The following PDE8B variants were observed in gnomAD, a reference collection of about 807,000 sequenced individuals.
PDE8B encodes the protein high affinity cAMP-specific and IBMX-insensitive 3',5'-cyclic phosphodiesterase 8B.
PDE8B carries 26 observed loss-of-function variants against 101.3 expected under a neutral mutation model. The ratio of observed to expected loss-of-function variants is 0.26; its 90% CI spans 0.19 to 0.36. The LOEUF (loss-of-function observed/expected upper bound fraction) is 0.36. Ranked by LOEUF, PDE8B falls within the 10% of genes least tolerant of loss-of-function variation. PDE8B has a pLI of 1.00. For synonymous variants in PDE8B, 424 were observed against 429.3 expected, an observed-to-expected ratio of 0.99 and a Z score of 0.15; for missense variants, 810 against 1,163.1, an observed-to-expected ratio of 0.70 and a Z score of 4.42.
the PDE8B span, among the ~76,000 whole-genome samples, chr5:77,204,877 G>T: frequency 6.6e-6 from 1 of 152,214 alleles, no homozygotes; most frequent in African/African-American, 2.4e-5. Context: ...CTGTCTGCCT[G>T]ATTGCTCTGT....
intron 8 of PDE8B, 41 bp downstream of exon 8, chr5:77,349,600 C>A: frequency 6.2e-7 from 1 of 1,610,462 alleles, no homozygotes; most frequent in African/African-American, 1.3e-5. Context: ...ACCCTCTCCC[C>A]AATGCACTTT....
At chr5:77,216,015 T>G (rs961617552) in intron 1 of PDE8B, among the ~76,000 whole-genome samples, 20 of 152,160 alleles carry the variant, frequency 1.3e-4, no homozygotes, top group Non-Finnish European at 1.2e-4. Flanking sequence ...TGTAGGTAAC[T>G]TTGTGAACCC....
the PDE8B span, among the ~76,000 whole-genome samples, chr5:77,169,838 G>A: frequency 1.3e-3 from 203 of 152,270 alleles, 2 homozygotes; most frequent in East Asian, 0.014. Flanking sequence ...AAACTGTGCC[G>A]ACCCTGTGGA....
intron 1 of PDE8B, among the ~76,000 whole-genome samples, chr5:77,274,014 G>C (rs931188843): frequency 9.2e-5 from 14 of 151,988 alleles, no homozygotes; most frequent in African/African-American, 3.4e-4. Flanking sequence ...TAGAGACAAA[G>C]TTTCTCCATG....
the PDE8B span, among the ~76,000 whole-genome samples, chr5:77,138,303 T>C: frequency 6.6e-6 from 1 of 152,178 alleles, no homozygotes; most frequent in African/African-American, 2.4e-5. Flanking sequence ...CTGGCCCTGC[T>C]TTTAGGTCTT....
At position 77,412,170 on chromosome 5, in the gene PDE8B, A is replaced by G. The variant is rs1395910907; in HGVS notation, c.1647A>G (p.Gln549=). The G allele has an allele frequency of 6.2e-7, 1 of 1,613,596 alleles. No homozygotes were observed. The highest frequency in any genetic ancestry group is 1.7e-5 in the Admixed American group (1 of 60,016). ...ATGATGTTCCCCCTTGTATCTCTCA[A>G]TTACTTGATAATGAGGAGAGTTGGG... is the stretch of plus-strand genomic sequence containing the variant. The part of the protein sequence containing the change: ...TINDVPPCIS[Q]LLDNEESWDF... Residue 549 remains glutamine, a synonymous_variant, in exon 16 of 22, where the codon CAA becomes CAG. Transcript: ENST00000264917.
intron 1 of PDE8B, among the ~76,000 whole-genome samples, chr5:77,216,742 G>A (rs1297407158): frequency 1.3e-5 from 2 of 152,184 alleles, no homozygotes; most frequent in Non-Finnish European, 2.9e-5. Flanking sequence ...AAAGCAGTAA[G>A]TCCCTTCATG....
In PDE8B at chr5:77,409,328, T is replaced by G. The variant is rs62362506; in HGVS notation, c.1530+271T>G. Among the ~76,000 whole-genome samples the G allele has an allele frequency of 4.2e-3, 645 of 152,312 alleles. 1 individual carries two copies. Among genetic ancestry groups the G allele is most frequent in the Non-Finnish European group, 6.8e-3 (461 of 68,022 alleles). ...TGACTGCAGGGAGTCATTGGGCAAC[T>G]GATGGAGGGCTCAATGTGCAAGATG... On this transcript the variant is annotated intron_variant, in intron 14 of 21. Coordinates refer to ENST00000264917, the MANE Select transcript of PDE8B (RefSeq NM_003719.5).
chr5:77,406,774 A>G (rs1793545533), intron 12 of PDE8B, among the ~76,000 whole-genome samples: 1 of 152,240 alleles, frequency 6.6e-6, no homozygotes, highest in African/African-American at 2.4e-5. Context: ...AACCAAGTAT[A>G]AACATTAACT....
intron 10 of PDE8B, among the ~76,000 whole-genome samples, chr5:77,385,257 G>A (rs1253666017): frequency 6.6e-6 from 1 of 152,124 alleles, no homozygotes; most frequent in Non-Finnish European, 1.5e-5. Flanking sequence ...TGGTTTATTT[G>A]CGTAGAGGTA....
At chr5:77,284,005 G>T (rs1293612038) in intron 1 of PDE8B, among the ~76,000 whole-genome samples, 1 of 152,136 alleles carries the variant, frequency 6.6e-6, no homozygotes, top group Non-Finnish European at 1.5e-5. Context: ...TGGTGTCAGT[G>T]CTTGCAATTT....
chr5:77,344,602 A>T (rs1779823503), intron 6 of PDE8B, among the ~76,000 whole-genome samples: 1 of 152,198 alleles, frequency 6.6e-6, no homozygotes, highest in African/African-American at 2.4e-5. Context: ...TAATAAAGGC[A>T]TTAATCCCAT....
intron 19 of PDE8B, among the ~76,000 whole-genome samples, chr5:77,421,208 C>T (rs1796569254): frequency 6.6e-6 from 1 of 152,198 alleles, no homozygotes; most frequent in Non-Finnish European, 1.5e-5. Flanking sequence ...CCACGCCTAC[C>T]TGGCTCACTT....
At chr5:77,240,666 C>T (rs1178666438) in intron 1 of PDE8B, among the ~76,000 whole-genome samples, 1 of 152,134 alleles carries the variant, frequency 6.6e-6, no homozygotes, top group Non-Finnish European at 1.5e-5. Context: ...GTGTTATACC[C>T]ACACTAATTA....
At chr5:77,357,438 G>T (rs1782314112) in intron 10 of PDE8B, among the ~76,000 whole-genome samples, 1 of 152,188 alleles carries the variant, frequency 6.6e-6, no homozygotes, top group Non-Finnish European at 1.5e-5. Flanking sequence ...CTGCCCTTTT[G>T]TGGGAACAGA....
At chr5:77,184,024 G>A in the PDE8B span, among the ~76,000 whole-genome samples, 336 of 151,882 alleles carry the variant, frequency 2.2e-3, 7 homozygotes, top group East Asian at 0.06. Context: ...CTGGAGGGGA[G>A]TAGTGCATTA....
chr5:77,424,707 A>G (rs1161881677), intron 20 of PDE8B, among the ~76,000 whole-genome samples: 2 of 152,212 alleles, frequency 1.3e-5, no homozygotes, highest in African/African-American at 2.4e-5. Flanking sequence ...CATCACATTC[A>G]TCATCCAGAA....
chr5:77,262,925 G>A (rs944091969), intron 1 of PDE8B, among the ~76,000 whole-genome samples: 5 of 152,150 alleles, frequency 3.3e-5, no homozygotes, highest in African/African-American at 1.2e-4. Flanking sequence ...CACTTCACTT[G>A]ACCTGTGACA....
At chr5:77,306,138 A>T (rs185128016) in intron 1 of PDE8B, among the ~76,000 whole-genome samples, 3 of 152,302 alleles carry the variant, frequency 2.0e-5, no homozygotes, top group Admixed American at 2.0e-4. Flanking sequence ...ATCGCCAGGC[A>T]CTGCATCATC....
Sources: allele counts gnomAD v4.1 joint callset (sites outside exome capture counted in the v4.1 genomes callset), GRCh38; gene constraint gnomAD v4.1.1; transcripts MANE v1.5; gene names NCBI Gene and HGNC (gene_info 2026-07-23, HGNC 2026-07-21).